Variants in PARD3 observed in about 807,000 individuals in gnomAD.
PARD3 encodes the protein par-3 family cell polarity regulator, also known as partitioning defective 3 homolog.
Under a neutral mutation model 155.4 loss-of-function variants are expected in PARD3, and 75 were observed. The ratio of observed to expected loss-of-function variants is 0.48; its 90% CI spans 0.40 to 0.58. The LOEUF (loss-of-function observed/expected upper bound fraction) is 0.58. PARD3 is among the 20% of genes least tolerant of loss of function. The pLI is 0.00. For synonymous variants in PARD3, 576 were observed against 610.5 expected, an observed-to-expected ratio of 0.94 and a Z score of 0.83; for missense variants, 1,642 against 1,721.7, an observed-to-expected ratio of 0.95 and a Z score of 0.82.
At chr10:34,750,776 C>T (rs1835931386) in intron 1 of PARD3, among the ~76,000 whole-genome samples, 2 of 151,284 alleles carry the variant, frequency 1.3e-5, no homozygotes, top group South Asian at 4.2e-4. Flanking sequence ...GCAACCTCCG[C>T]CCCCCGGGTT....
At chr10:34,681,964 A>G (rs2093851237) in intron 2 of PARD3, among the ~76,000 whole-genome samples, 1 of 150,796 alleles carries the variant, frequency 6.6e-6, no homozygotes, top group Non-Finnish European at 1.5e-5. Flanking sequence ...CCTAAGGACA[A>G]GTGTTCTCTA....
At chr10:34,423,983 ATAT>A (rs1564697245) in intron 5 of PARD3, among the ~76,000 whole-genome samples, 1 of 152,202 alleles carries the variant, frequency 6.6e-6, no homozygotes, top group African/African-American at 2.4e-5. Context: ...TCCCCAAGCA[ATAT>A]TATTCCAGCA....
intron 1 of PARD3, among the ~76,000 whole-genome samples, chr10:34,747,204 T>C (rs1049977907): frequency 6.6e-6 from 1 of 152,184 alleles, no homozygotes; most frequent in Non-Finnish European, 1.5e-5. Flanking sequence ...CTTTTTTGGC[T>C]TTTTTTCTTT....
At chr10:34,296,368 C>T (rs1956910444) in intron 20 of PARD3, among the ~76,000 whole-genome samples, 1 of 151,820 alleles carries the variant, frequency 6.6e-6, no homozygotes, top group Non-Finnish European at 1.5e-5. Flanking sequence ...GTAGCTGGGA[C>T]TATAGGCACG....
chr10:34,351,997 T>A (rs1236691377), intron 14 of PARD3, among the ~76,000 whole-genome samples: 1 of 152,140 alleles, frequency 6.6e-6, no homozygotes, highest in Non-Finnish European at 1.5e-5. Context: ...AGAGAAAAAA[T>A]TCATTTTAAA....
intron 22 of PARD3, among the ~76,000 whole-genome samples, chr10:34,167,498 T>G (rs956806582): frequency 1.3e-5 from 2 of 151,068 alleles, no homozygotes; most frequent in Non-Finnish European, 2.9e-5. Flanking sequence ...TGAAGAAATA[T>G]GAAACATTAA....
At chr10:34,143,208 T>C (rs1010725142) in intron 22 of PARD3, among the ~76,000 whole-genome samples, 3 of 152,038 alleles carry the variant, frequency 2.0e-5, no homozygotes, top group African/African-American at 7.2e-5. Flanking sequence ...TAGTTCCAGC[T>C]ACTTGGGAAG....
intron 15 of PARD3, chr10:34,344,472 A>T (rs890123792): frequency 3.5e-6 from 2 of 579,666 alleles, no homozygotes; most frequent in Admixed American, 6.3e-5. Flanking sequence ...TCGTAGAGAC[A>T]GGGTTTCACA....
intron 2 of PARD3, among the ~76,000 whole-genome samples, chr10:34,690,579 C>T (rs1184685308): frequency 1.3e-5 from 2 of 152,148 alleles, no homozygotes; most frequent in Non-Finnish European, 2.9e-5. Context: ...TCGTACAGCC[C>T]CATAAATCCT....
intron 1 of PARD3, among the ~76,000 whole-genome samples, chr10:34,734,032 A>G (rs2094866172): frequency 6.6e-6 from 1 of 152,012 alleles, no homozygotes; most frequent in Non-Finnish European, 1.5e-5. Flanking sequence ...AACCCCAAAC[A>G]TAACAATCAC....
chr10:34,181,897 A>T (rs1010538588), intron 22 of PARD3, among the ~76,000 whole-genome samples: 2 of 152,136 alleles, frequency 1.3e-5, no homozygotes, highest in Admixed American at 1.3e-4. Context: ...AGGACAGGGT[A>T]AGGATAGAGG....
intron 2 of PARD3, among the ~76,000 whole-genome samples, chr10:34,601,417 G>A (rs1165695105): frequency 2.0e-5 from 3 of 152,164 alleles, no homozygotes; most frequent in Admixed American, 6.5e-5. Context: ...CTCTACCTTG[G>A]ATGACAAAGT....
chr10:34,148,864 GT>G (rs33997458), intron 22 of PARD3, among the ~76,000 whole-genome samples: 25 of 151,338 alleles, frequency 1.7e-4, no homozygotes, highest in African/African-American at 4.8e-4. Flanking sequence ...CCAGAATCAA[GT>G]TTTTTTTTGT....
At chr10:34,470,029 G>T in intron 4 of PARD3, 56 bp downstream of exon 4, 1 of 1,405,812 alleles carries the variant, frequency 7.1e-7, no homozygotes, top group Non-Finnish European at 9.6e-7. Flanking sequence ...ACTCATCACG[G>T]ACACCAAGAA....
chr10:34,283,413 A>G (rs1395481606), intron 21 of PARD3, among the ~76,000 whole-genome samples: 2 of 152,130 alleles, frequency 1.3e-5, no homozygotes, highest in African/African-American at 2.4e-5. Context: ...TCTAATAACA[A>G]AAGTGTGAGA....
At position 34,111,361 on chromosome 10, in the gene PARD3, C is replaced by T; in HGVS notation, c.3870G>A (p.Arg1290=). ...TQELLRQEQR[R]KEQQMKKQPP... ...GCTGCTTCTTCATCTGCTGCTCCTT[C>T]CGCCTCTGTTCCTGGCGAAGGAGCT... The change falls in exon 25 of 25, where the codon CGG becomes CGA. Residue 1290 remains arginine (R), a synonymous_variant. Transcript: ENST00000374788. The T allele has an allele frequency of 6.2e-7, 1 of 1,614,094 alleles. No homozygotes were observed. The highest frequency in any genetic ancestry group is 8.5e-7 in the Non-Finnish European group (1 of 1,179,962).
At chr10:34,568,449 G>C (rs1335536426) in intron 2 of PARD3, among the ~76,000 whole-genome samples, 1 of 151,972 alleles carries the variant, frequency 6.6e-6, no homozygotes, top group Non-Finnish European at 1.5e-5. Flanking sequence ...AAAGAAAACT[G>C]GTCTCTTTGA....
intron 2 of PARD3, among the ~76,000 whole-genome samples, chr10:34,525,569 G>C (rs2082416298): frequency 6.6e-6 from 1 of 152,148 alleles, no homozygotes; most frequent in South Asian, 2.1e-4. Flanking sequence ...GGGGTCAACA[G>C]CATAGTGTTC....
intron 22 of PARD3, among the ~76,000 whole-genome samples, chr10:34,223,577 T>C (rs1278534598): frequency 1.3e-5 from 2 of 152,182 alleles, no homozygotes; most frequent in Admixed American, 1.3e-4. Context: ...ATCCATAATG[T>C]GTGGTTTACT....
Sources: allele counts gnomAD v4.1 joint callset (sites outside exome capture counted in the v4.1 genomes callset), GRCh38; gene constraint gnomAD v4.1.1; transcripts MANE v1.5; gene names NCBI Gene and HGNC (gene_info 2026-07-23, HGNC 2026-07-21).